OPRL1: variants seen among roughly 807,000 people sequenced by gnomAD.
OPRL1 encodes the protein nociceptin receptor.
OPRL1 carries 5 observed loss-of-function variants against 15.5 expected under a neutral mutation model. That is an observed-to-expected ratio of 0.32 (90% CI 0.17 to 0.68). The LOEUF is 0.68. OPRL1 is among the 30% of genes least tolerant of loss of function. The probability of loss-of-function intolerance (pLI) is 0.72; values close to 1 mark genes in which losing one functional copy is unlikely to be tolerated. For synonymous variants in OPRL1, 223 were observed against 230.2 expected (o/e 0.97, Z 0.28); for missense variants, 406 against 515.3 (o/e 0.79, Z 2.05).
At position 64,097,581 on chromosome 20, in the gene OPRL1, C is replaced by G. The variant is rs73916708; in HGVS notation, c.234-221C>G. On this transcript the variant is annotated intron_variant, in intron 3 of 4. Transcript: ENST00000336866. This position sits in a 1 kb window ranked among gnomAD's most constrained non-coding sequence, Gnocchi z 4.2. Reference sequence around the variant, plus strand: ...GTGTGTGTCAGAGTCACTTGAGGAGCTGGTTAAGACGTTTGACCCCAGGCC... The same window carrying G: ...GTGTGTGTCAGAGTCACTTGAGGAGGTGGTTAAGACGTTTGACCCCAGGCC... Among the ~76,000 whole-genome samples the G allele has an allele frequency of 9.5e-3, 1,442 of 152,282 alleles. 16 individuals are homozygous for G. The highest frequency in any genetic ancestry group is 0.033 in the African/African-American group (1,367 of 41,530).
rs1463678364 is a variant in OPRL1 at position 64,098,766 on chromosome 20, C to T, written c.1080C>T (p.Cys360=). 27 of 1,605,636 alleles carry T rather than the reference C, an allele frequency of 1.7e-5. No individual in the cohort carries two copies. The highest frequency in any genetic ancestry group is 2.7e-5 in the African/African-American group (2 of 74,936). The change falls in exon 5 of 5, where the codon TGC becomes TGT. Residue 360 remains cysteine (C), a synonymous_variant. Transcript: ENST00000336866. ...TTGCCAAGGACGTGGCCCTGGCCTG[C>T]AAGACCTCTGAGACGGTACCGCGGC... ...RSIAKDVALA[C]KTSETVPRPA
rs1352001584 is a variant in OPRL1, at chr20:64,100,306, A to G, written c.*1507A>G. ...CTTGGCCAGGTAACCTACCTTAGGC[A>G]CCTGCAAAGAACAGGAAGTGATGGC... On this transcript the variant is annotated 3_prime_UTR_variant, in exon 5 of 5. Transcript: ENST00000336866. 1 of 152,116 alleles carries G rather than the reference A, an allele frequency of 6.6e-6. No homozygotes were observed. Among genetic ancestry groups the G allele is most frequent in the Non-Finnish European group, 1.5e-5 (1 of 68,050 alleles). The allele number at this position is 152,116 out of a possible 1,614,324, so 9.4% of individuals were successfully genotyped here. A position where few individuals can be genotyped will look rare whatever the true frequency, so the allele number is the denominator to read the frequency against.
chr20:64,080,912 A>G (rs1051349825), intron 1 of OPRL1, among the ~76,000 whole-genome samples: 1 of 152,144 alleles, frequency 6.6e-6, no homozygotes, highest in Non-Finnish European at 1.5e-5. Context: ...GAGGGGTGCA[A>G]AGGCAGCTGG....
At chr20:64,095,928 G>A (rs887152218) in intron 3 of OPRL1, among the ~76,000 whole-genome samples, 1 of 152,058 alleles carries the variant, frequency 6.6e-6, no homozygotes, top group African/African-American at 2.4e-5. Context: ...GCAGCCACGT[G>A]TATATGTATG....
Position 64,098,850 on chromosome 20 carries a change from GC to G in OPRL1, c.*54del. ...CTGTCAGCCCGCAGAGCCCATCTAC[GC>G]CCAACACAGAGCTCACACAGGTCAC... On this transcript the variant is annotated 3_prime_UTR_variant, in exon 5 of 5. Coordinates refer to ENST00000336866, the MANE Select transcript of OPRL1 (RefSeq NM_182647.4). The G allele has an allele frequency of 2.6e-6, 4 of 1,540,850 alleles. No individual in the cohort carries two copies. In the South Asian group the frequency reaches 4.9e-5, roughly 19 times the overall value.
rs2059988884 is a variant in OPRL1 at position 64,083,272 on chromosome 20, ACT to A, written c.-185+2925_-185+2926del. 1 of 1,049,942 alleles carries A rather than the reference ACT, an allele frequency of 9.5e-7. No homozygotes were observed. 65.0% of individuals were successfully genotyped at this position (1,049,942 alleles called of 1,614,324 possible). ...TCCCCACTTTTTTGGGAGAGGCCCC[ACT>A]CTCTGTACCCTGATGTCTGTGAGGT... On this transcript the variant is annotated intron_variant, in intron 1 of 4. Coordinates refer to ENST00000336866, the MANE Select transcript of OPRL1 (RefSeq NM_182647.4). The surrounding 1 kb of genome is among the most constrained non-coding windows in gnomAD (Gnocchi z 4.9).
At chr20:64,084,368 T>C (rs1459236780) in intron 1 of OPRL1, 1 of 1,280,882 alleles carries the variant, frequency 7.8e-7, no homozygotes, top group African/African-American at 1.6e-5. Flanking sequence ...ACCCCCAGCC[T>C]CTGAGCTTTG....
chr20:64,092,251 G>A (rs970637184), intron 2 of OPRL1, 135 bp downstream of exon 2: 5 of 164,996 alleles, frequency 3.0e-5, no homozygotes, highest in Non-Finnish European at 6.5e-5. Context: ...TTGTGCCTGC[G>A]TGTGCGTGAG....
intron 3 of OPRL1, among the ~76,000 whole-genome samples, chr20:64,096,554 C>T (rs1182730573): frequency 3.9e-5 from 6 of 152,090 alleles, no homozygotes; most frequent in Admixed American, 1.3e-4. Flanking sequence ...GTTGTCTCTT[C>T]GTAATTGCGG....
At position 64,092,827 on chromosome 20, in the gene OPRL1, T is replaced by C; in HGVS notation, c.107T>C (p.Leu36Pro). 1 of 1,612,768 alleles carries C rather than the reference T, an allele frequency of 6.2e-7. No homozygotes were observed. ...SPNHSLLPPH[L>P]LLNASHGAFL... is the part of the protein sequence containing the mutation. ...AACCACAGTCTGCTGCCCCCGCATC[T>C]GCTGCTCAATGCCAGCCACGGCGCC... Residue 36 changes from leucine (L) to proline (P), a missense_variant, in exon 3 of 5, where the codon CTG becomes CCG. Leu to Pro is a moderately conservative substitution (Grantham distance 98, BLOSUM62 -3). Transcript: ENST00000336866.
In OPRL1 at chr20:64,083,800, C is replaced by T; in HGVS notation, c.-185+3448C>T. 2.2e-6 allele frequency: 3 copies of T among 1,342,696 alleles called. No individual in the cohort carries two copies. Among genetic ancestry groups the T allele is most frequent in the Non-Finnish European group, 2.8e-6 (3 of 1,053,368 alleles). 83.2% of individuals were successfully genotyped at this position (1,342,696 alleles called of 1,614,324 possible). ...GCTCCCGGTGCGCCCCCTCTGCCCT[C>T]CGACCCCCTCGCCTCACCCGCATGC... On this transcript the variant is annotated intron_variant, in intron 1 of 4. Coordinates refer to ENST00000336866, the MANE Select transcript of OPRL1 (RefSeq NM_182647.4). The surrounding 1 kb of genome is among the most constrained non-coding windows in gnomAD (Gnocchi z 4.9).
In OPRL1 at chr20:64,089,222, T is replaced by C. The variant is rs1160055905; in HGVS notation, c.-184-2744T>C. Among the ~76,000 whole-genome samples the C allele has an allele frequency of 6.6e-6, 1 of 152,014 alleles. No individual in the cohort carries two copies. The highest frequency in any genetic ancestry group is 1.5e-5 in the Non-Finnish European group (1 of 67,986). ...AGAATGACACAGAACACACAAGAAG[T>C]TCAAGGGAACACATTATGAGATTGT... On this transcript the variant is annotated intron_variant, in intron 1 of 4. Coordinates refer to ENST00000336866, the MANE Select transcript of OPRL1 (RefSeq NM_182647.4). The surrounding 1 kb of genome is among the most constrained non-coding windows in gnomAD (Gnocchi z 5.5).
rs1248535253 is a variant in OPRL1 at position 64,092,720 on chromosome 20, C to T, written c.-1C>T. ...ACAGAGTGGATTTGCAGGGCAGTGG[C>T]ATGGAGCCCCTCTTCCCCGCGCCGT... is the stretch of plus-strand genomic sequence containing the variant. On this transcript the variant is annotated 5_prime_UTR_variant, in exon 3 of 5. Coordinates refer to ENST00000336866, the MANE Select transcript of OPRL1 (RefSeq NM_182647.4). 3 of 1,611,302 alleles carry T rather than the reference C, an allele frequency of 1.9e-6. No homozygotes were observed. The highest frequency in any genetic ancestry group is 4.5e-5 in the East Asian group (2 of 44,816).
chr20:64,086,747 T>C (rs2060055235), intron 1 of OPRL1: 1 of 163,504 alleles, frequency 6.1e-6, no homozygotes, highest in Non-Finnish European at 1.4e-5. Context: ...TTAAAAATTC[T>C]TTCACTTTTT....
intron 2 of OPRL1, 131 bp from the exon 3 acceptor site, chr20:64,092,557 G>T: frequency 1.6e-6 from 1 of 633,460 alleles, no homozygotes; most frequent in Admixed American, 2.9e-5. Flanking sequence ...GTGTGTGCCC[G>T]TGTGCCTCAG....
rs768331646 is a variant in OPRL1, at chr20:64,083,618, G to T, written c.-185+3266G>T. ...TCCAGGGGGTCCGGGATCCGCGCGG[G>T]CTTCAGCTGCGGCGGCAGGAACAGC... On this transcript the variant is annotated intron_variant, in intron 1 of 4. Transcript: ENST00000336866. The surrounding 1 kb of genome is among the most constrained non-coding windows in gnomAD (Gnocchi z 4.9). The T allele has an allele frequency of 2.6e-5, 39 of 1,475,604 alleles. No individual in the cohort carries two copies. The highest frequency in any genetic ancestry group is 3.4e-5 in the Non-Finnish European group (38 of 1,115,256). The allele number at this position is 1,475,604 out of a possible 1,614,324, so 91.4% of individuals were successfully genotyped here.
At chr20:64,088,809 C>A (rs76424219) in intron 1 of OPRL1, among the ~76,000 whole-genome samples, 48 of 38,194 alleles carry the variant, frequency 1.3e-3, no homozygotes, top group East Asian at 3.4e-3. Flanking sequence ...AGGATCTGTG[C>A]AGAGTGGCCA....
At chr20:64,088,688 G>A (rs1399464533) in intron 1 of OPRL1, among the ~76,000 whole-genome samples, 4 of 136,350 alleles carry the variant, frequency 2.9e-5, no homozygotes, top group Admixed American at 7.2e-5. Context: ...GCCAGGATCT[G>A]TGCAGGGAGG....
At position 64,098,362 on chromosome 20, in the gene OPRL1, G is replaced by A. The variant is rs778663603; in HGVS notation, c.676G>A (p.Val226Ile). The change falls in exon 5 of 5, where the codon GTC (valine) becomes ATC (isoleucine). Residue 226 changes from valine to isoleucine, a missense_variant. Coordinates refer to ENST00000336866, the MANE Select transcript of OPRL1 (RefSeq NM_182647.4). ...AICIFLFSFI[V>I]PVLVISVCYS... ...CTGCATCTTCCTCTTCTCCTTCATC[G>A]TCCCCGTGCTCGTCATCTCTGTCTG... 8.7e-6 allele frequency: 14 copies of A among 1,613,704 alleles called. No homozygotes were observed. The highest frequency in any genetic ancestry group is 1.6e-4 in the Middle Eastern group (1 of 6,084).
Sources: allele counts gnomAD v4.1 joint callset (sites outside exome capture counted in the v4.1 genomes callset), GRCh38; gene constraint gnomAD v4.1.1; non-coding constraint Gnocchi (gnomAD v3.1); transcripts MANE v1.5; gene names NCBI Gene and HGNC (gene_info 2026-07-23, HGNC 2026-07-21).